The following RAB38 variants were observed in gnomAD, a reference collection of about 807,000 sequenced individuals.
RAB38 encodes RAB38, member RAS oncogene family, also known as ras-related protein Rab-38.
Under a neutral mutation model 18.4 loss-of-function variants are expected in RAB38, and 15 were observed. The observed-to-expected ratio is 0.82, with a 90% CI of 0.55 to 1.26. The LOEUF (loss-of-function observed/expected upper bound fraction) is 1.26, where lower values mean the gene tolerates loss of function less well. Ranked by LOEUF, RAB38 falls within the 50% of genes most tolerant of loss-of-function variation. RAB38 has a pLI of 0.00. For missense variants in RAB38, 294 were observed against 267.4 expected (o/e 1.10, Z -0.69); for synonymous variants, 101 against 104.4 (o/e 0.97, Z 0.20).
At chr11:87,945,238 A>C in the RAB38 span, among the ~76,000 whole-genome samples, 5 of 152,156 alleles carry the variant, frequency 3.3e-5, no homozygotes, top group African/African-American at 1.2e-4. Flanking sequence ...ACAATTTTGC[A>C]ATTAGCATTA....
At chr11:87,865,335 AG>A in the RAB38 span, among the ~76,000 whole-genome samples, 68 of 151,760 alleles carry the variant, frequency 4.5e-4, 1 homozygote, top group Non-Finnish European at 4.9e-4. Context: ...TCTTTATAAA[AG>A]GGAAGCAGAA....
the RAB38 span, among the ~76,000 whole-genome samples, chr11:87,901,490 T>C: frequency 6.6e-6 from 1 of 151,600 alleles, no homozygotes; most frequent in Non-Finnish European, 1.5e-5. Context: ...ACTAACGTCA[T>C]TCAAGTTTTA....
chr11:88,104,732 A>G, the RAB38 span, among the ~76,000 whole-genome samples: 1 of 152,138 alleles, frequency 6.6e-6, no homozygotes, highest in African/African-American at 2.4e-5. Context: ...TTTACTTGTC[A>G]TATTCAAATG....
chr11:87,903,944 A>G, the RAB38 span, among the ~76,000 whole-genome samples: 1 of 151,116 alleles, frequency 6.6e-6, no homozygotes, highest in Non-Finnish European at 1.5e-5. Context: ...CTGGGAGTTT[A>G]TTATTTCACT....
the RAB38 span, chr11:88,098,540 T>C: frequency 6.6e-6 from 1 of 151,992 alleles, no homozygotes; most frequent in African/African-American, 2.4e-5. Flanking sequence ...CCAGTGAACA[T>C]TCTTGAACTT....
chr11:88,167,801 T>G (rs1229167799), intron 1 of RAB38: 1 of 152,128 alleles, frequency 6.6e-6, no homozygotes, highest in Non-Finnish European at 1.5e-5. Context: ...CTTGCCAAGT[T>G]GAAGGACATC....
the RAB38 span, among the ~76,000 whole-genome samples, chr11:87,950,016 T>A: frequency 6.6e-6 from 1 of 152,196 alleles, no homozygotes. Flanking sequence ...TATTAATGTG[T>A]GGGAGTCTAA....
the RAB38 span, among the ~76,000 whole-genome samples, chr11:87,957,565 G>A: frequency 6.6e-6 from 1 of 152,152 alleles, no homozygotes; most frequent in East Asian, 1.9e-4. Context: ...AGGAGACCAA[G>A]CAAGGCCTAC....
chr11:88,035,719 A>G, the RAB38 span, among the ~76,000 whole-genome samples: 6 of 152,238 alleles, frequency 3.9e-5, no homozygotes, highest in Non-Finnish European at 1.5e-5. Context: ...TTGGTTGACT[A>G]AGCGTCTTGA....
At chr11:88,056,799 G>T in the RAB38 span, among the ~76,000 whole-genome samples, 1 of 139,102 alleles carries the variant, frequency 7.2e-6, no homozygotes. Flanking sequence ...GCGAGACTCC[G>T]TCTCAATAAA....
the RAB38 span, among the ~76,000 whole-genome samples, chr11:87,889,574 C>T: frequency 2.2e-4 from 34 of 151,810 alleles, no homozygotes; most frequent in East Asian, 4.9e-3. Context: ...AGGTTGTTTA[C>T]GTATATTATG....
chr11:88,008,762 C>T, the RAB38 span, among the ~76,000 whole-genome samples: 2 of 152,254 alleles, frequency 1.3e-5, no homozygotes, highest in Non-Finnish European at 2.9e-5. Flanking sequence ...CAAGCTCCGC[C>T]TCGCGGATTC....
the RAB38 span, among the ~76,000 whole-genome samples, chr11:87,865,478 A>C: frequency 6.6e-6 from 1 of 151,680 alleles, no homozygotes. Flanking sequence ...TAGAAGTTTG[A>C]AAAGGTGAAG....
At chr11:87,831,301 A>G in the RAB38 span, among the ~76,000 whole-genome samples, 1 of 152,192 alleles carries the variant, frequency 6.6e-6, no homozygotes, top group Non-Finnish European at 1.5e-5. Context: ...CAAAAGCCAT[A>G]CAAAATAGTA....
chr11:88,032,444 A>T, the RAB38 span, among the ~76,000 whole-genome samples: 45 of 152,324 alleles, frequency 3.0e-4, no homozygotes, highest in South Asian at 8.7e-3. Flanking sequence ...TGAACAGGCA[A>T]CCTACAAAAT....
At chr11:87,931,261 A>G in the RAB38 span, among the ~76,000 whole-genome samples, 1 of 152,100 alleles carries the variant, frequency 6.6e-6, no homozygotes, top group Non-Finnish European at 1.5e-5. Context: ...AAATAATACT[A>G]AAAGATAAGC....
chr11:87,829,966 G>T, the RAB38 span, among the ~76,000 whole-genome samples: 2 of 152,078 alleles, frequency 1.3e-5, no homozygotes, highest in Admixed American at 1.3e-4. Context: ...TAATTTGTGG[G>T]TGTCTTTGCT....
At chr11:88,074,046 T>TAA in the RAB38 span, among the ~76,000 whole-genome samples, 1 of 143,072 alleles carries the variant, frequency 7.0e-6, no homozygotes. Flanking sequence ...GAAAATTCCC[T>TAA]AAAAAAAAAA....
the RAB38 span, among the ~76,000 whole-genome samples, chr11:87,924,591 A>C: frequency 2.2e-4 from 34 of 152,006 alleles, no homozygotes; most frequent in Admixed American, 1.3e-4. Flanking sequence ...TTCACCAGGC[A>C]ACAGATTTTG....
Sources: allele counts gnomAD v4.1 joint callset (sites outside exome capture counted in the v4.1 genomes callset), GRCh38; gene constraint gnomAD v4.1.1; transcripts MANE v1.5; gene names NCBI Gene and HGNC (gene_info 2026-07-23, HGNC 2026-07-21).